Variants in DEPDC1B observed in about 807,000 individuals in gnomAD.
The protein encoded by DEPDC1B is DEP domain-containing protein 1B.
A neutral mutation model predicts 66.5 loss-of-function variants in DEPDC1B; 51 were observed. That is an observed-to-expected ratio of 0.77 (90% confidence interval 0.61 to 0.97). DEPDC1B has a LOEUF of 0.97. Among genes scored for constraint, DEPDC1B ranks in the 50% least tolerant of loss-of-function variants. The probability of loss-of-function intolerance (pLI) is 0.00; values close to 1 mark genes in which losing one functional copy is unlikely to be tolerated. For missense variants in DEPDC1B, 552 were observed against 637.1 expected (o/e 0.87, Z 1.44); for synonymous variants, 226 against 223.6 (o/e 1.01, Z -0.10).
chr5:60,663,616 T>G (rs978018984), intron 2 of DEPDC1B, among the ~76,000 whole-genome samples: 1 of 152,198 alleles, frequency 6.6e-6, no homozygotes, highest in Admixed American at 6.5e-5. Flanking sequence ...TCAACTCACC[T>G]GGACTGTTTT....
chr5:60,655,736 T>A (rs988888202), intron 2 of DEPDC1B, among the ~76,000 whole-genome samples: 5 of 149,192 alleles, frequency 3.4e-5, no homozygotes, highest in Admixed American at 6.6e-5. Context: ...TCTTTCAGAT[T>A]TTTTTATGTA....
At chr5:60,645,308 A>G (rs1204014847) in intron 4 of DEPDC1B, among the ~76,000 whole-genome samples, 184 bp downstream of exon 4, 1 of 152,190 alleles carries the variant, frequency 6.6e-6, no homozygotes, top group Non-Finnish European at 1.5e-5. Context: ...CCTAACTATT[A>G]TGTAAATAGC....
chr5:60,644,668 G>A, intron 5 of DEPDC1B, 77 bp downstream of exon 5: 1 of 1,248,668 alleles, frequency 8.0e-7, no homozygotes, highest in Non-Finnish European at 1.1e-6. Context: ...TTTAGGGAAG[G>A]GTCAGAAAGG....
chr5:60,686,234 C>G (rs1343676841), intron 2 of DEPDC1B, among the ~76,000 whole-genome samples: 2 of 152,194 alleles, frequency 1.3e-5, no homozygotes, highest in African/African-American at 2.4e-5. Context: ...TCCATATTCT[C>G]CATTCCTTCT....
chr5:60,634,279 C>G (rs1210676629), intron 7 of DEPDC1B, among the ~76,000 whole-genome samples: 1 of 152,208 alleles, frequency 6.6e-6, no homozygotes, highest in Non-Finnish European at 1.5e-5. Flanking sequence ...CCTTCCAAGT[C>G]AGACACATAC....
chr5:60,606,653 C>T (rs1426194227), intron 7 of DEPDC1B, among the ~76,000 whole-genome samples: 1 of 149,904 alleles, frequency 6.7e-6, no homozygotes, highest in Non-Finnish European at 1.5e-5. Flanking sequence ...AATTAGCCGC[C>T]ATGGTGGCAC....
intron 1 of DEPDC1B, among the ~76,000 whole-genome samples, chr5:60,688,723 G>A (rs1387055909): frequency 1.3e-5 from 2 of 152,136 alleles, no homozygotes; most frequent in African/African-American, 4.8e-5. Context: ...TGGCTTTGGT[G>A]CAGTTAACAC....
intron 1 of DEPDC1B, among the ~76,000 whole-genome samples, chr5:60,693,446 T>C (rs1293621504): frequency 6.6e-6 from 1 of 152,138 alleles, no homozygotes; most frequent in East Asian, 1.9e-4. Flanking sequence ...CTTTACAAGG[T>C]TATTGTAAGA....
chr5:60,671,135 C>T (rs1450509454), intron 2 of DEPDC1B, among the ~76,000 whole-genome samples: 1 of 152,060 alleles, frequency 6.6e-6, no homozygotes, highest in Non-Finnish European at 1.5e-5. Flanking sequence ...GGTAAGGCAC[C>T]CAAGGCCTGC....
chr5:60,677,326 ACTCTCTCTCT>A (rs70975391), intron 2 of DEPDC1B, among the ~76,000 whole-genome samples: 2,554 of 108,500 alleles, frequency 0.024, 26 homozygotes, highest in Middle Eastern at 0.046. Flanking sequence ...ACACACACAC[ACTCTCTCTCT>A]CTCTCTCTCT....
At chr5:60,660,152 G>GGA (rs901073316) in intron 2 of DEPDC1B, among the ~76,000 whole-genome samples, 3 of 151,430 alleles carry the variant, frequency 2.0e-5, no homozygotes, top group East Asian at 3.9e-4. Context: ...ATAGAGAGGA[G>GGA]GAGAGAGAGA....
chr5:60,673,549 A>C (rs980191024), intron 2 of DEPDC1B, among the ~76,000 whole-genome samples: 1 of 152,202 alleles, frequency 6.6e-6, no homozygotes, highest in Non-Finnish European at 1.5e-5. Flanking sequence ...GCTGCATAAA[A>C]TGCTTAAGCT....
intron 8 of DEPDC1B, among the ~76,000 whole-genome samples, chr5:60,603,846 T>TATATATATATATATATAC (rs1491589366): frequency 1.5e-5 from 2 of 134,392 alleles, no homozygotes; most frequent in African/African-American, 2.6e-5. Flanking sequence ...TATATATATA[T>TATATATATATATATATAC]ACACACACAT....
At chr5:60,603,939 C>G (rs1057336750) in intron 8 of DEPDC1B, among the ~76,000 whole-genome samples, 3 of 151,438 alleles carry the variant, frequency 2.0e-5, no homozygotes, top group Non-Finnish European at 4.4e-5. Flanking sequence ...AAGTTCAAAG[C>G]ACTTTATAGC....
rs188872799 is a variant in DEPDC1B, at chr5:60,697,156, G to A, written c.48+2890C>T. ...TTACAAAGATGAAAGTTATTTCAGT[G>A]AAAATGTATAAATGGATAACTAGCT... On this transcript the variant is annotated intron_variant, in intron 1 of 10. Coordinates refer to ENST00000265036, the MANE Select transcript of DEPDC1B (RefSeq NM_018369.3). Among the ~76,000 whole-genome samples the A allele has an allele frequency of 9.2e-5, 14 of 152,278 alleles. No individual in the cohort carries two copies. In the East Asian group the frequency reaches 2.1e-3, roughly 23 times the overall value.
chr5:60,697,504 CT>C (rs1754684338), intron 1 of DEPDC1B, among the ~76,000 whole-genome samples: 1 of 152,140 alleles, frequency 6.6e-6, no homozygotes, highest in Non-Finnish European at 1.5e-5. Context: ...GAGGACTAGT[CT>C]CAAACTATTA....
At position 60,606,838 on chromosome 5, in the gene DEPDC1B, C is replaced by T. The variant is rs112127996; in HGVS notation, c.899-982G>A. 3.3e-3 allele frequency among the ~76,000 whole-genome samples: 501 copies of T among 151,686 alleles called. 8 individuals are homozygous for T. The highest frequency in any genetic ancestry group is 0.012 in the African/African-American group (483 of 41,352). ...GCTCTCTTTTTTACTATATTTGTCC[C>T]TGGACATACTTATATCCAAGCCCTC... On this transcript the variant is annotated intron_variant, in intron 7 of 10. Coordinates refer to ENST00000265036, the MANE Select transcript of DEPDC1B (RefSeq NM_018369.3).
chr5:60,632,057 T>C (rs536768335), intron 7 of DEPDC1B, among the ~76,000 whole-genome samples: 1 of 152,342 alleles, frequency 6.6e-6, no homozygotes, highest in South Asian at 2.1e-4. Context: ...CCAAAGCTGT[T>C]GGAAATAACC....
At chr5:60,634,045 G>C (rs368156081) in intron 7 of DEPDC1B, among the ~76,000 whole-genome samples, 1 of 152,320 alleles carries the variant, frequency 6.6e-6, no homozygotes, top group South Asian at 2.1e-4. Context: ...AAATGGCAGA[G>C]AGTGGCATGC....
Sources: allele counts gnomAD v4.1 joint callset (sites outside exome capture counted in the v4.1 genomes callset), GRCh38; gene constraint gnomAD v4.1.1; transcripts MANE v1.5; gene names NCBI Gene and HGNC (gene_info 2026-07-23, HGNC 2026-07-21).